The following RGS5 variants were observed in gnomAD, a reference collection of about 807,000 sequenced individuals.
The protein encoded by RGS5 is regulator of G-protein signalling 5.
In RGS5, 20 loss-of-function variants were observed where a neutral mutation model predicts 18.9. That is an observed-to-expected ratio of 1.06 (90% confidence interval 0.74 to 1.54). The LOEUF (loss-of-function observed/expected upper bound fraction) is 1.54, where lower values mean the gene tolerates loss of function less well. Among genes scored for constraint, RGS5 ranks in the 40% most tolerant of loss-of-function variants. RGS5 has a pLI of 0.00. For missense variants in RGS5, 201 were observed against 211.8 expected (o/e 0.95, Z 0.32); for synonymous variants, 57 against 76.2 (o/e 0.75, Z 1.31).
At chr1:163,317,935 T>C (rs1226178241) in intron 1 of RGS5, among the ~76,000 whole-genome samples, 1 of 152,122 alleles carries the variant, frequency 6.6e-6, no homozygotes, top group Non-Finnish European at 1.5e-5. Context: ...TGTTCATTAT[T>C]ATATTTCTAG....
At chr1:163,221,053 C>T (rs1571301135), upstream of RGS5, among the ~76,000 whole-genome samples, 1 of 152,242 alleles carries the variant, frequency 6.6e-6, no homozygotes, top group East Asian at 1.9e-4. Context: ...TAGTAGGAAG[C>T]TAATAGGTTC....
upstream of RGS5, among the ~76,000 whole-genome samples, chr1:163,221,686 C>A (rs556647436): frequency 6.6e-6 from 1 of 152,294 alleles, no homozygotes; most frequent in South Asian, 2.1e-4. Flanking sequence ...TAGCTGCATG[C>A]CACTTATCAG....
chr1:163,198,263 C>T (rs1004069993), intron 1 of RGS5, among the ~76,000 whole-genome samples: 4 of 152,092 alleles, frequency 2.6e-5, no homozygotes, highest in African/African-American at 9.7e-5. Flanking sequence ...CTAGCATTGA[C>T]ACACCCTTGA....
intron 2 of RGS5, among the ~76,000 whole-genome samples, chr1:163,271,799 T>C (rs72695946): frequency 0.015 from 2,215 of 152,252 alleles, 20 homozygotes; most frequent in Non-Finnish European, 0.025. Flanking sequence ...TTCTCTTGCT[T>C]AGATTCCTGG....
chr1:163,297,169 TAAGA>T (rs1205346496), intron 2 of RGS5, among the ~76,000 whole-genome samples: 1 of 152,150 alleles, frequency 6.6e-6, no homozygotes, highest in Non-Finnish European at 1.5e-5. Context: ...AAATGCATCC[TAAGA>T]AAGCCACAGG....
At chr1:163,189,462 G>A (rs145778631) in intron 1 of RGS5, among the ~76,000 whole-genome samples, 5 of 152,270 alleles carry the variant, frequency 3.3e-5, no homozygotes, top group African/African-American at 9.6e-5. Context: ...ATGCAAGCAC[G>A]ATAAAATTTT....
intron 2 of RGS5, among the ~76,000 whole-genome samples, chr1:163,240,216 C>G (rs1347778872): frequency 6.6e-6 from 1 of 151,446 alleles, no homozygotes; most frequent in Non-Finnish European, 1.5e-5. Flanking sequence ...CAAATGAATT[C>G]CAACAGAAAA....
chr1:163,208,378 G>C (rs369714020), intron 1 of RGS5, among the ~76,000 whole-genome samples: 1 of 119,266 alleles, frequency 8.4e-6, no homozygotes, highest in South Asian at 2.8e-4. Flanking sequence ...AAAAGGAAAA[G>C]AAAAAAAAGA....
Position 163,188,262 on chromosome 1 carries a change from T to C in RGS5, c.44+14530A>G, listed in dbSNP as rs1659177994. On this transcript the variant is annotated intron_variant, in intron 1 of 4. Transcript: ENST00000313961. ...TGCTAAACATACAATCCCACGGTCA[T>C]TGTTATCTTTAATAGCTAAATTCAA... 2.0e-5 allele frequency among the ~76,000 whole-genome samples: 3 copies of C among 152,284 alleles called. No individual in the cohort carries two copies. In the South Asian group the frequency reaches 6.2e-4, roughly 32 times the overall value.
At chr1:163,219,135 T>C (rs1660279644), upstream of RGS5, among the ~76,000 whole-genome samples, 2 of 152,038 alleles carry the variant, frequency 1.3e-5, no homozygotes, top group Non-Finnish European at 2.9e-5. Context: ...TGTAAATGCA[T>C]ACAAAAAAGT....
Position 163,180,788 on chromosome 1 carries a change from G to A in RGS5, c.45-12420C>T, listed in dbSNP as rs1041173092. On this transcript the variant is annotated intron_variant, in intron 1 of 4. Transcript: ENST00000313961. ...CGTCTCACTGCAAGCTGCGCCTCCC[G>A]GGTTCACGCCATTCTCCTGCCTCAG... Among the ~76,000 whole-genome samples, 3 of 139,256 alleles carry A rather than the reference G, an allele frequency of 2.2e-5. No homozygotes were observed. The Admixed American group carries it at 2.4e-4, about 11-fold the overall frequency. 91.4% of individuals were successfully genotyped at this position (139,256 alleles called of 152,430 possible). A position where few individuals can be genotyped will look rare whatever the true frequency, so the allele number is the denominator to read the frequency against.
chr1:163,156,077 A>G (rs1657567121), intron 3 of RGS5, among the ~76,000 whole-genome samples: 3 of 152,224 alleles, frequency 2.0e-5, no homozygotes, highest in Non-Finnish European at 4.4e-5. Flanking sequence ...AGGAAAAATT[A>G]TTAAAAACTA....
chr1:163,245,200 G>C (rs114302088), intron 2 of RGS5, among the ~76,000 whole-genome samples: 1 of 151,998 alleles, frequency 6.6e-6, no homozygotes, highest in African/African-American at 2.4e-5. Flanking sequence ...GTAGTCTATC[G>C]TCTTGCTCTT....
chr1:163,225,869 A>G (rs897008903), intron 2 of RGS5, among the ~76,000 whole-genome samples: 4 of 152,184 alleles, frequency 2.6e-5, no homozygotes, highest in Non-Finnish European at 5.9e-5. Context: ...TTCCTGAGAC[A>G]ATATTGATTC....
chr1:163,264,505 G>A (rs1437350230), intron 2 of RGS5, among the ~76,000 whole-genome samples: 4 of 152,012 alleles, frequency 2.6e-5, no homozygotes, highest in Admixed American at 2.6e-4. Flanking sequence ...TTTCATCCTT[G>A]AGCATTCTAG....
chr1:163,202,664 A>T, intron 1 of RGS5, 128 bp downstream of exon 1: 1 of 693,568 alleles, frequency 1.4e-6, no homozygotes, highest in Non-Finnish European at 2.5e-6. Context: ...TACCCAATCT[A>T]CAGTCAAGCA....
At chr1:163,287,367 C>T (rs1025913889) in intron 2 of RGS5, among the ~76,000 whole-genome samples, 1 of 152,202 alleles carries the variant, frequency 6.6e-6, no homozygotes, top group African/African-American at 2.4e-5. Flanking sequence ...CCTATTCCCC[C>T]ACCCCTACTA....
intron 2 of RGS5, among the ~76,000 whole-genome samples, chr1:163,242,099 TAAC>T (rs1375513576): frequency 1.3e-5 from 2 of 152,198 alleles, no homozygotes; most frequent in African/African-American, 2.4e-5. Context: ...TTGAAAATAA[TAAC>T]TTGTTTTTAA....
At chr1:163,292,303 A>G (rs955477080) in intron 2 of RGS5, among the ~76,000 whole-genome samples, 1 of 152,218 alleles carries the variant, frequency 6.6e-6, no homozygotes, top group Non-Finnish European at 1.5e-5. Flanking sequence ...GTTTACTAAG[A>G]ATAATGGCCT....
Sources: gnomAD v4.1 joint callset for allele counts (sites outside exome capture counted in the v4.1 genomes callset) on GRCh38, gnomAD v4.1.1 for gene constraint, MANE v1.5 for transcripts, NCBI Gene and HGNC (gene_info 2026-07-23, HGNC 2026-07-21) for gene names.